The following CCN4 variants were observed in gnomAD, a reference collection of about 807,000 sequenced individuals.
CCN4 encodes the protein CCN family member 4.
CCN4 carries 30 observed loss-of-function variants against 36.7 expected under a neutral mutation model. The ratio of observed to expected loss-of-function variants is 0.82; its 90% CI spans 0.61 to 1.11. The LOEUF (loss-of-function observed/expected upper bound fraction) is 1.11. Among genes scored for constraint, CCN4 ranks in the 50% least tolerant of loss-of-function variants. The pLI is 0.00. For synonymous variants in CCN4, 191 were observed against 195.4 expected (o/e 0.98, Z 0.19); for missense variants, 505 against 504.9 (o/e 1.00, Z 0.00).
chr8:133,194,985 T>G lies in CCN4; in HGVS notation c.69+3772T>G, dbSNP rs573088499. On this transcript the variant is annotated intron_variant, in intron 1 of 4. Transcript: ENST00000250160. ...ATGTGTGTGGTGTGTGTGTTGAGTGTGTATGTGGTTTGTGTGTGTGTTGTG... is the reference window on the plus strand; with the variant it reads ...ATGTGTGTGGTGTGTGTGTTGAGTGGGTATGTGGTTTGTGTGTGTGTTGTG... Among the ~76,000 whole-genome samples the G allele has an allele frequency of 3.9e-4, 56 of 145,060 alleles. No individual in the cohort carries two copies. In the East Asian group the frequency reaches 0.012, roughly 31 times the overall value.
rs150221105 is a variant in CCN4, at chr8:133,220,747, C to T, written c.516C>T (p.Arg172=). The change falls in exon 3 of 5, where the codon CGC becomes CGT. Residue 172 remains arginine (R), a synonymous_variant. Transcript: ENST00000250160. The part of the protein sequence containing the change: ...PPRLWCPHPR[R]VSIPGHCCEQ... ...GTCTCTGGTGCCCCCACCCGCGGCG[C>T]GTGAGCATACCTGGCCACTGCTGTG... The T allele has an allele frequency of 3.8e-5, 61 of 1,613,386 alleles. No individual in the cohort carries two copies. In the African/African-American group the frequency reaches 6.4e-4, roughly 17 times the overall value.
rs1172756628 is a variant in CCN4, at chr8:133,210,398, T to C, written c.70-2466T>C. Among the ~76,000 whole-genome samples, 9 of 130,706 alleles carry C rather than the reference T, an allele frequency of 6.9e-5. No homozygotes were observed. In the South Asian group the frequency reaches 1.2e-3, roughly 17 times the overall value. The allele number at this position is 130,706 out of a possible 152,430, so 85.7% of individuals were successfully genotyped here. On this transcript the variant is annotated intron_variant, in intron 1 of 4. Coordinates refer to ENST00000250160, the MANE Select transcript of CCN4 (RefSeq NM_003882.4). Reference sequence around the variant, plus strand: ...AGTCAAAAAGAGGGGTGTGTGTGTGTGTGTGTGTGTGTGTGTGTGTGTGTT... The same window carrying C: ...AGTCAAAAAGAGGGGTGTGTGTGTGCGTGTGTGTGTGTGTGTGTGTGTGTT...
Position 133,227,612 on chromosome 8 carries a change from T to C in CCN4, c.1006T>C (p.Trp336Arg). 6.2e-7 allele frequency: 1 copy of C among 1,614,270 alleles called. No individual in the cohort carries two copies. The highest frequency in any genetic ancestry group is 1.3e-5 in the African/African-American group (1 of 75,070). Residue 336 changes from tryptophan to arginine, a missense_variant, in exon 5 of 5, where the codon TGG becomes CGG. Coordinates refer to ENST00000250160, the MANE Select transcript of CCN4 (RefSeq NM_003882.4). ...GCTTGGCTTCTCCCGCCAGGTCCTATGGATTAATGCCTGCTTCTGTAACCT... is the reference window on the plus strand; with the variant it reads ...GCTTGGCTTCTCCCGCCAGGTCCTACGGATTAATGCCTGCTTCTGTAACCT... ...DGLGFSRQVL[W>R]INACFCNLSC... is the part of the protein sequence containing the mutation.
Position 133,227,614 on chromosome 8 carries a change from G to T in CCN4, c.1008G>T (p.Trp336Cys). 6.2e-7 allele frequency: 1 copy of T among 1,614,242 alleles called. No individual in the cohort carries two copies. Among genetic ancestry groups the T allele is most frequent in the Non-Finnish European group, 8.5e-7 (1 of 1,180,034 alleles). Residue 336 changes from tryptophan to cysteine, a missense_variant, in exon 5 of 5, where the codon TGG (tryptophan) becomes TGT (cysteine). Physicochemically the swap from Trp to Cys is radical, Grantham distance 215 (BLOSUM62 -2). Transcript: ENST00000250160. Reference protein sequence around the residue: ...DGLGFSRQVLWINACFCNLSC... With the variant: ...DGLGFSRQVLCINACFCNLSC... ...TTGGCTTCTCCCGCCAGGTCCTATGGATTAATGCCTGCTTCTGTAACCTGA... is the reference window on the plus strand; with the variant it reads ...TTGGCTTCTCCCGCCAGGTCCTATGTATTAATGCCTGCTTCTGTAACCTGA...
rs113618080 is a variant in CCN4 at position 133,198,733 on chromosome 8, C to T, written c.69+7520C>T. ...GTTCTTGCCCACGTGGAGGGAAACA[C>T]GTCGCCCAGCTGGGACTCTCTGCTG... On this transcript the variant is annotated intron_variant, in intron 1 of 4. Coordinates refer to ENST00000250160, the MANE Select transcript of CCN4 (RefSeq NM_003882.4). Among the ~76,000 whole-genome samples the T allele has an allele frequency of 4.6e-5, 7 of 152,292 alleles. No individual in the cohort carries two copies. In the South Asian group the frequency reaches 1.0e-3, roughly 23 times the overall value.
At chr8:133,208,453 C>T (rs1385008852) in intron 1 of CCN4, among the ~76,000 whole-genome samples, 3 of 152,196 alleles carry the variant, frequency 2.0e-5, no homozygotes, top group Non-Finnish European at 4.4e-5. Context: ...CTGCCATCCT[C>T]CTGCTAAAAT....
chr8:133,217,904 G>C (rs1854379145), intron 2 of CCN4, among the ~76,000 whole-genome samples: 1 of 103,464 alleles, frequency 9.7e-6, no homozygotes, highest in African/African-American at 3.7e-5. Context: ...CACATGCAGG[G>C]ACAGAGTTCC....
At position 133,212,866 on chromosome 8, in the gene CCN4, CCT is replaced by C. The variant is rs1251108784; in HGVS notation, c.78_79del (p.Pro27SerfsTer27). The C allele has an allele frequency of 6.3e-7, 1 of 1,577,586 alleles. No individual in the cohort carries two copies. Among genetic ancestry groups the C allele is most frequent in the East Asian group, 2.3e-5 (1 of 43,856 alleles). On this transcript the variant is annotated frameshift_variant, in exon 2 of 5. Transcript: ENST00000250160. LOFTEE classifies it high-confidence loss of function. Reference protein sequence around the residue: ...AAASTVLATALSPAPTTMDFT... With the variant: ...AAASTVLATAXSPAPTTMDFT... Reference sequence around the variant, plus strand: ...TTCCCTCTGCCCTCCCCCCGCAGGCCCTCTCTCCAGCCCCTACGACCATGGAC... The same window carrying C: ...TTCCCTCTGCCCTCCCCCCGCAGGCCCTCTCCAGCCCCTACGACCATGGAC...
At chr8:133,214,499 T>C (rs150258184) in intron 2 of CCN4, among the ~76,000 whole-genome samples, 2 of 148,464 alleles carry the variant, frequency 1.3e-5, no homozygotes, top group African/African-American at 5.3e-5. Flanking sequence ...ATCCTCCTGT[T>C]TGGAGGTGGT....
intron 1 of CCN4, among the ~76,000 whole-genome samples, chr8:133,192,002 G>A (rs1853131988): frequency 6.6e-6 from 1 of 152,076 alleles, no homozygotes; most frequent in South Asian, 2.1e-4. Flanking sequence ...CAGCCTGCTA[G>A]GGCCAGGCAT....
chr8:133,206,576 T>C (rs563501223), intron 1 of CCN4, among the ~76,000 whole-genome samples: 56 of 152,176 alleles, frequency 3.7e-4, no homozygotes, highest in African/African-American at 1.3e-3. Context: ...CCATCCTGGA[T>C]GTTGAAGGAG....
chr8:133,200,175 G>A (rs1034328695), intron 1 of CCN4, among the ~76,000 whole-genome samples: 2 of 152,176 alleles, frequency 1.3e-5, no homozygotes, highest in Non-Finnish European at 2.9e-5. Flanking sequence ...TTTATCCCCT[G>A]CTTTATTTCC....
At chr8:133,194,995 T>TTG (rs202170715) in intron 1 of CCN4, among the ~76,000 whole-genome samples, 1 of 106,800 alleles carries the variant, frequency 9.4e-6, no homozygotes, top group Non-Finnish European at 2.0e-5. Context: ...TGTATGTGGT[T>TTG]TGTGTGTGTG....
In CCN4 at chr8:133,212,854, C is replaced by A. The variant is rs1254727354; in HGVS notation, c.70-10C>A. ...AGCAGCCCCCCTTTCCCTCTGCCCT[C>A]CCCCCGCAGGCCCTCTCTCCAGCCC... On this transcript the variant is annotated splice_polypyrimidine_tract_variant and intron_variant, in intron 1 of 4. Coordinates refer to ENST00000250160, the MANE Select transcript of CCN4 (RefSeq NM_003882.4). The A allele has an allele frequency of 1.9e-6, 3 of 1,553,554 alleles. No individual in the cohort carries two copies. Among genetic ancestry groups the A allele is most frequent in the Admixed American group, 3.5e-5 (2 of 57,196 alleles).
At chr8:133,202,809 G>A (rs1853636022) in intron 1 of CCN4, among the ~76,000 whole-genome samples, 1 of 152,220 alleles carries the variant, frequency 6.6e-6, no homozygotes, top group Non-Finnish European at 1.5e-5. Flanking sequence ...CAGGGCCCGG[G>A]ATACAGGTGC....
chr8:133,215,068 T>G (rs553630634), intron 2 of CCN4, among the ~76,000 whole-genome samples: 2 of 152,354 alleles, frequency 1.3e-5, no homozygotes, highest in African/African-American at 4.8e-5. Context: ...TCTCCCATCT[T>G]TCTAATTTTT....
intron 1 of CCN4, among the ~76,000 whole-genome samples, chr8:133,199,711 C>T (rs72731515): frequency 0.22 from 34,231 of 152,178 alleles, 4,541 homozygotes; most frequent in Non-Finnish European, 0.29. Flanking sequence ...CACACACGCA[C>T]ACACAGGCAC....
At chr8:133,225,264 G>GGGGA in intron 3 of CCN4, 126 bp from the exon 4 acceptor site, 1 of 937,922 alleles carries the variant, frequency 1.1e-6, no homozygotes, top group Non-Finnish European at 1.6e-6. Flanking sequence ...GCTGTCCTGT[G>GGGGA]GGGAGGTACA....
intron 1 of CCN4, among the ~76,000 whole-genome samples, chr8:133,198,843 G>A (rs1853482192): frequency 6.6e-6 from 1 of 152,074 alleles, no homozygotes; most frequent in Admixed American, 6.5e-5. Context: ...GACCACCTGT[G>A]CCCTCAGGCC....
Sources: gnomAD v4.1 joint callset for allele counts (sites outside exome capture counted in the v4.1 genomes callset) on GRCh38, gnomAD v4.1.1 for gene constraint, MANE v1.5 for transcripts, NCBI Gene and HGNC (gene_info 2026-07-23, HGNC 2026-07-21) for gene names.